AGBL4: variants seen among roughly 807,000 people sequenced by gnomAD.
AGBL4 encodes cytosolic carboxypeptidase 6.
A neutral mutation model predicts 66.4 loss-of-function variants in AGBL4; 58 were observed. The ratio of observed to expected loss-of-function variants is 0.87; its 90% CI spans 0.71 to 1.09. The LOEUF is 1.09. Ranked by LOEUF, AGBL4 falls within the 50% of genes least tolerant of loss-of-function variation. The pLI is 0.00. For missense variants in AGBL4, 579 were observed against 631.0 expected, an observed-to-expected ratio of 0.92 and a Z score of 0.88; for synonymous variants, 234 against 222.9, an observed-to-expected ratio of 1.05 and a Z score of -0.44.
intron 4 of AGBL4, among the ~76,000 whole-genome samples, chr1:49,243,058 T>C (rs142379079): frequency 1.9e-4 from 29 of 151,166 alleles, no homozygotes; most frequent in African/African-American, 3.9e-4. Flanking sequence ...TATATATATA[T>C]ACACACACAT....
At chr1:49,022,485 C>G (rs936822784) in intron 5 of AGBL4, among the ~76,000 whole-genome samples, 3 of 151,948 alleles carry the variant, frequency 2.0e-5, no homozygotes, top group African/African-American at 7.3e-5. Context: ...GTCATACCTA[C>G]CTCTTTGTAG....
intron 4 of AGBL4, among the ~76,000 whole-genome samples, chr1:49,198,083 G>A (rs1279225742): frequency 6.6e-6 from 1 of 151,972 alleles, no homozygotes; most frequent in Non-Finnish European, 1.5e-5. Flanking sequence ...GTTAGATCCA[G>A]GGATTGGGAG....
chr1:49,263,376 AT>A (rs1471040401), intron 3 of AGBL4, among the ~76,000 whole-genome samples: 2 of 152,150 alleles, frequency 1.3e-5, no homozygotes, highest in African/African-American at 4.8e-5. Context: ...AGATAAAAAA[AT>A]AGAGTAATCC....
intron 3 of AGBL4, among the ~76,000 whole-genome samples, chr1:49,457,092 T>C (rs1646406965): frequency 6.6e-6 from 1 of 151,826 alleles, no homozygotes; most frequent in South Asian, 2.1e-4. Flanking sequence ...AGATACCTAG[T>C]AGTGGGATTG....
At chr1:49,899,470 T>C (rs1649555054) in intron 1 of AGBL4, among the ~76,000 whole-genome samples, 1 of 151,814 alleles carries the variant, frequency 6.6e-6, no homozygotes, top group Non-Finnish European at 1.5e-5. Flanking sequence ...TTTACATGCC[T>C]GTATCAAAGG....
intron 2 of AGBL4, among the ~76,000 whole-genome samples, chr1:49,793,901 G>A (rs1644667490): frequency 6.6e-6 from 1 of 151,960 alleles, no homozygotes; most frequent in Admixed American, 6.6e-5. Flanking sequence ...AATCAGAAGT[G>A]TGAGTTATTG....
intron 3 of AGBL4, among the ~76,000 whole-genome samples, chr1:49,581,205 A>C (rs755266051): frequency 6.6e-6 from 1 of 152,106 alleles, no homozygotes; most frequent in Non-Finnish European, 1.5e-5. Context: ...TTTTTTAAAA[A>C]AGATATATAT....
chr1:49,442,845 G>A lies in AGBL4; in HGVS notation c.283-196981C>T, dbSNP rs559267150. ...TCTCCAGTTTTATTTTTAGTTCTTT[G>A]AGAAATATCCATACTGGTTTCCATG... On this transcript the variant is annotated intron_variant, in intron 3 of 13. Transcript: ENST00000371839. Among the ~76,000 whole-genome samples the A allele has an allele frequency of 6.6e-5, 10 of 152,166 alleles. No homozygotes were observed. In the South Asian group the frequency reaches 1.9e-3, roughly 28 times the overall value.
At chr1:48,770,496 G>A (rs897785258) in intron 6 of AGBL4, among the ~76,000 whole-genome samples, 60 of 151,990 alleles carry the variant, frequency 3.9e-4, no homozygotes, top group African/African-American at 1.3e-3. Flanking sequence ...TTTAAAAGCC[G>A]ATGTTCTGCC....
At chr1:48,693,004 G>A (rs1464545514) in intron 6 of AGBL4, among the ~76,000 whole-genome samples, 2 of 152,262 alleles carry the variant, frequency 1.3e-5, no homozygotes, top group East Asian at 1.9e-4. Flanking sequence ...ACTGGCCCAT[G>A]GTCACTGAGT....
chr1:49,656,425 G>A (rs1234384968), intron 3 of AGBL4, among the ~76,000 whole-genome samples: 2 of 151,988 alleles, frequency 1.3e-5, no homozygotes, highest in Non-Finnish European at 2.9e-5. Context: ...TCTACCACAG[G>A]TACAAGGAGG....
intron 5 of AGBL4, among the ~76,000 whole-genome samples, chr1:49,017,265 C>G (rs1000479435): frequency 3.3e-5 from 5 of 152,098 alleles, no homozygotes; most frequent in African/African-American, 1.2e-4. Context: ...ATTGCAAAAC[C>G]TTGAAACCGA....
intron 1 of AGBL4, among the ~76,000 whole-genome samples, chr1:49,853,321 A>G (rs1402061088): frequency 6.6e-6 from 1 of 152,206 alleles, no homozygotes; most frequent in African/African-American, 2.4e-5. Flanking sequence ...AGGAAATGAT[A>G]AAACCAAAAA....
intron 4 of AGBL4, among the ~76,000 whole-genome samples, chr1:49,191,562 A>G (rs1374529819): frequency 6.6e-6 from 1 of 152,210 alleles, no homozygotes; most frequent in African/African-American, 2.4e-5. Context: ...CCCATCACCC[A>G]TGTCATGAGC....
At chr1:49,893,174 A>G (rs1285333838) in intron 1 of AGBL4, among the ~76,000 whole-genome samples, 1 of 152,100 alleles carries the variant, frequency 6.6e-6, no homozygotes, top group African/African-American at 2.4e-5. Flanking sequence ...CCATTGTTAT[A>G]CCCAGCTATA....
At chr1:49,921,463 T>C (rs983831984) in intron 1 of AGBL4, among the ~76,000 whole-genome samples, 1 of 152,108 alleles carries the variant, frequency 6.6e-6, no homozygotes, top group African/African-American at 2.4e-5. Flanking sequence ...TAATAGGATA[T>C]ATGTATATTT....
intron 5 of AGBL4, among the ~76,000 whole-genome samples, chr1:48,879,669 T>C (rs948522938): frequency 5.9e-5 from 9 of 152,180 alleles, no homozygotes; most frequent in Admixed American, 3.3e-4. Flanking sequence ...AATAATGCTT[T>C]ATTTATGTTA....
chr1:49,282,562 G>A (rs533490247), intron 3 of AGBL4, among the ~76,000 whole-genome samples: 67 of 152,228 alleles, frequency 4.4e-4, no homozygotes, highest in Non-Finnish European at 7.6e-4. Flanking sequence ...AGCTCCCAGC[G>A]TGAGCGACGC....
At chr1:49,203,088 C>A (rs1164248631) in intron 4 of AGBL4, among the ~76,000 whole-genome samples, 30 of 135,860 alleles carry the variant, frequency 2.2e-4, no homozygotes, top group South Asian at 4.8e-4. Flanking sequence ...TGGCTACTAT[C>A]AAAAAAAAAA....
Sources: gnomAD v4.1 joint callset for allele counts (sites outside exome capture counted in the v4.1 genomes callset) on GRCh38, gnomAD v4.1.1 for gene constraint, MANE v1.5 for transcripts, NCBI Gene and HGNC (gene_info 2026-07-23, HGNC 2026-07-21) for gene names.